EBF1: variants seen among roughly 807,000 people sequenced by gnomAD.
The protein encoded by EBF1 is EBF transcription factor 1, also known as transcription factor COE1.
Under a neutral mutation model 68.4 loss-of-function variants are expected in EBF1, and 10 were observed. The ratio of observed to expected loss-of-function variants is 0.15; its 90% confidence interval spans 0.09 to 0.25. The LOEUF (loss-of-function observed/expected upper bound fraction) is 0.25. EBF1 is among the 10% of genes least tolerant of loss of function. EBF1 has a pLI of 1.00. For missense variants in EBF1, 509 were observed against 794.4 expected, an observed-to-expected ratio of 0.64 and a Z score of 4.32; for synonymous variants, 298 against 299.8, an observed-to-expected ratio of 0.99 and a Z score of 0.06.
Position 159,099,408 on chromosome 5 carries a change from A to G in EBF1, c.71T>C (p.Met24Thr). ...CTGCATCCACGTCCGCACCGCGTTCATGCCGCTGCCCAGCGGCTCTTCCTT... is the reference window on the plus strand; with the variant it reads ...CTGCATCCACGTCCGCACCGCGTTCGTGCCGCTGCCCAGCGGCTCTTCCTT... ...SMKEEPLGSG[M>T]NAVRTWMQGA... The change falls in exon 1 of 16, where the codon ATG becomes ACG. Residue 24 changes from methionine (M) to threonine (T), a missense_variant. By Grantham distance (81) the Met-to-Thr change is moderately conservative (BLOSUM62 -1). This residue lies in a region of EBF1 where 74 missense variants were observed against 79.4 expected (regional missense o/e 0.93). Transcript: ENST00000313708. 2 of 1,602,354 alleles carry G rather than the reference A, an allele frequency of 1.2e-6. No homozygotes were observed. The highest frequency in any genetic ancestry group is 1.7e-6 in the Non-Finnish European group (2 of 1,174,494).
In EBF1 at chr5:159,075,890, G is replaced by C. The variant is rs189875527; in HGVS notation, c.486-2426C>G. 8.6e-4 allele frequency among the ~76,000 whole-genome samples: 131 copies of C among 152,216 alleles called. 1 individual carries two copies. Among genetic ancestry groups the C allele is most frequent in the African/African-American group, 3.0e-3 (125 of 41,518 alleles). ...CAATCTGACCTCAGGCCCAGACCCT[G>C]GCCGACTCTTGCCTGGCGGGCCTCT... On this transcript the variant is annotated intron_variant, in intron 5 of 15. Coordinates refer to ENST00000313708, the MANE Select transcript of EBF1 (RefSeq NM_024007.5).
chr5:159,031,739 A>C (rs1768935801), intron 6 of EBF1, among the ~76,000 whole-genome samples: 1 of 152,232 alleles, frequency 6.6e-6, no homozygotes. Context: ...ATGTAAAAAT[A>C]CATGGAAACC....
chr5:158,889,269 G>A (rs534180018), intron 6 of EBF1, among the ~76,000 whole-genome samples: 12 of 152,280 alleles, frequency 7.9e-5, no homozygotes, highest in African/African-American at 2.4e-4. Flanking sequence ...AAGTGGTGAG[G>A]ATGGGGAGAC....
At chr5:159,070,341 T>C (rs1372365144) in intron 6 of EBF1, among the ~76,000 whole-genome samples, 1 of 152,180 alleles carries the variant, frequency 6.6e-6, no homozygotes, top group Admixed American at 6.5e-5. Context: ...GTAAAAAGAA[T>C]TGGGGTCATA....
chr5:158,879,433 G>C (rs1798419816), intron 6 of EBF1, among the ~76,000 whole-genome samples: 1 of 152,178 alleles, frequency 6.6e-6, no homozygotes, highest in Non-Finnish European at 1.5e-5. Flanking sequence ...GAAAGATAAT[G>C]AATGTGAGAA....
At chr5:158,971,823 T>C (rs1265495970) in intron 6 of EBF1, among the ~76,000 whole-genome samples, 1 of 152,088 alleles carries the variant, frequency 6.6e-6, no homozygotes, top group East Asian at 1.9e-4. Context: ...ACCTCCACCC[T>C]GGAAAAGTGC....
At chr5:158,907,636 G>A (rs1804948880) in intron 6 of EBF1, among the ~76,000 whole-genome samples, 1 of 151,542 alleles carries the variant, frequency 6.6e-6, no homozygotes, top group Non-Finnish European at 1.5e-5. Flanking sequence ...TGAGTTATCA[G>A]TTTCATTTGT....
intron 6 of EBF1, among the ~76,000 whole-genome samples, chr5:158,929,788 G>A (rs1562325858): frequency 2.6e-5 from 4 of 152,208 alleles, no homozygotes; most frequent in Non-Finnish European, 5.9e-5. Context: ...TGATTAATTT[G>A]TTTGATGCAA....
intron 6 of EBF1, among the ~76,000 whole-genome samples, chr5:158,843,192 G>A: frequency 6.6e-6 from 1 of 152,122 alleles, no homozygotes. Flanking sequence ...CTGCCCATGT[G>A]TGTTTAAGCC....
intron 6 of EBF1, among the ~76,000 whole-genome samples, chr5:158,909,745 T>C (rs1049025352): frequency 6.6e-6 from 1 of 152,056 alleles, no homozygotes; most frequent in Non-Finnish European, 1.5e-5. Context: ...GAGACCATCC[T>C]GGCCAACATA....
At chr5:158,797,577 GC>G (rs1779814474) in intron 8 of EBF1, among the ~76,000 whole-genome samples, 1 of 152,060 alleles carries the variant, frequency 6.6e-6, no homozygotes, top group Non-Finnish European at 1.5e-5. Flanking sequence ...GAAAAAACTG[GC>G]AAAAAAATAT....
At chr5:158,915,364 G>A (rs1806926776) in intron 6 of EBF1, among the ~76,000 whole-genome samples, 1 of 152,180 alleles carries the variant, frequency 6.6e-6, no homozygotes, top group South Asian at 2.1e-4. Flanking sequence ...GCTGTTGCTG[G>A]AACAAAAGGA....
At chr5:158,768,386 G>T (rs1773195193) in intron 10 of EBF1, among the ~76,000 whole-genome samples, 1 of 152,014 alleles carries the variant, frequency 6.6e-6, no homozygotes. Flanking sequence ...TAAATAATAT[G>T]ATGTAAGATA....
intron 6 of EBF1, among the ~76,000 whole-genome samples, chr5:158,846,887 T>C (rs1249763077): frequency 6.6e-6 from 1 of 152,070 alleles, no homozygotes; most frequent in Admixed American, 6.6e-5. Context: ...ATCATTCTGT[T>C]TGAGAGGTGG....
chr5:158,967,161 A>T (rs1754345835), intron 6 of EBF1, among the ~76,000 whole-genome samples: 1 of 152,218 alleles, frequency 6.6e-6, no homozygotes, highest in African/African-American at 2.4e-5. Flanking sequence ...CTTCCATTTA[A>T]CAAATGCACA....
intron 6 of EBF1, among the ~76,000 whole-genome samples, chr5:158,857,915 A>T (rs185410048): frequency 1.1e-4 from 16 of 152,314 alleles, no homozygotes; most frequent in African/African-American, 3.8e-4. Flanking sequence ...ACTAATATTC[A>T]ATCTCTCTGC....
chr5:159,099,417 C>T lies in EBF1; in HGVS notation c.62G>A (p.Gly21Asp). The change falls in exon 1 of 16, where the codon GGC becomes GAC. Residue 21 changes from glycine to aspartate, a missense_variant. By Grantham distance (94) the Gly-to-Asp change is moderately conservative (BLOSUM62 -1). Coordinates refer to ENST00000313708, the MANE Select transcript of EBF1 (RefSeq NM_024007.5). The stretch of plus-strand genomic sequence containing the variant: ...CGTCCGCACCGCGTTCATGCCGCTG[C>T]CCAGCGGCTCTTCCTTCATGCTGCT... ...SGSSMKEEPLGSGMNAVRTWM... is the reference protein window; with the variant it reads ...SGSSMKEEPLDSGMNAVRTWM... The T allele has an allele frequency of 1.2e-6, 2 of 1,601,864 alleles. No individual in the cohort carries two copies. The highest frequency in any genetic ancestry group is 1.7e-6 in the Non-Finnish European group (2 of 1,174,246).
At chr5:158,992,916 T>C (rs1338655059) in intron 6 of EBF1, among the ~76,000 whole-genome samples, 4 of 127,410 alleles carry the variant, frequency 3.1e-5, no homozygotes, top group African/African-American at 1.2e-4. Context: ...GCTGTTTCTT[T>C]CTTTTTTTTT....
At chr5:158,798,554 C>T (rs1780001052) in intron 8 of EBF1, among the ~76,000 whole-genome samples, 1 of 152,262 alleles carries the variant, frequency 6.6e-6, no homozygotes, top group Middle Eastern at 3.4e-3. Context: ...ATAGCATGGC[C>T]AAGACCTGCT....
Sources: allele counts gnomAD v4.1 joint callset (sites outside exome capture counted in the v4.1 genomes callset), GRCh38; gene constraint gnomAD v4.1.1; regional missense constraint gnomAD v4.1.1; transcripts MANE v1.5; gene names NCBI Gene and HGNC (gene_info 2026-07-23, HGNC 2026-07-21).